Variants in AQR observed in about 807,000 individuals in gnomAD.
AQR encodes the protein aquarius intron-binding spliceosomal factor.
AQR carries 61 observed loss-of-function variants against 180.5 expected under a neutral mutation model. That is an observed-to-expected ratio of 0.34 (90% CI 0.28 to 0.42). The LOEUF (loss-of-function observed/expected upper bound fraction) is 0.42. AQR is among the 10% of genes least tolerant of loss of function. The pLI, the probability that AQR is intolerant of heterozygous loss-of-function variation, is 1.00. For missense variants in AQR, 1,281 were observed against 1,798.3 expected, an observed-to-expected ratio of 0.71 and a Z score of 5.20; for synonymous variants, 551 against 588.8, an observed-to-expected ratio of 0.94 and a Z score of 0.93.
chr15:34,878,385 C>CCAA (rs768038496), intron 27 of AQR, among the ~76,000 whole-genome samples: 9 of 41,662 alleles, frequency 2.2e-4, no homozygotes, highest in African/African-American at 6.6e-4. Flanking sequence ...GACTCTGTCT[C>CCAA]AAAAAAAAAA....
chr15:34,935,930 A>C (rs987946690), intron 9 of AQR, among the ~76,000 whole-genome samples: 2 of 152,386 alleles, frequency 1.3e-5, no homozygotes, highest in African/African-American at 4.8e-5. Context: ...CCAAACTAAA[A>C]GAGTGAGCAA....
At chr15:34,878,796 C>T (rs1469399705) in intron 27 of AQR, among the ~76,000 whole-genome samples, 3 of 151,956 alleles carry the variant, frequency 2.0e-5, no homozygotes, top group Admixed American at 6.6e-5. Context: ...TTTGGGAGCC[C>T]GAGGCTGGAT....
At chr15:34,882,478 A>AAAAAAAAAAAAAAAAG (rs1555423271) in intron 27 of AQR, 24 bp downstream of exon 27, 1 of 1,458,102 alleles carries the variant, frequency 6.9e-7, no homozygotes, top group African/African-American at 1.4e-5. Flanking sequence ...AAAAAAAAAA[A>AAAAAAAAAAAAAAAAG]AAAAAACTAC....
Position 34,934,576 on chromosome 15 carries a change from G to C in AQR, c.778C>G (p.Leu260Val). The change falls in exon 10 of 35, where the codon CTA (leucine) becomes GTA (valine). Residue 260 changes from leucine (L) to valine (V), a missense_variant. By Grantham distance (32) the Leu-to-Val change is conservative. This residue lies in a region of AQR where 404 missense variants were observed against 490.9 expected (regional missense o/e 0.82). Coordinates refer to ENST00000156471, the MANE Select transcript of AQR (RefSeq NM_014691.3). ...AGTCACGGTAGATTTCTTACCTCTA[G>C]ATCAATCATAAGTTCAATGAATCTT... ...CERFIELMID[L>V]EALLPTRRWF... 6.3e-7 allele frequency: 1 copy of C among 1,591,978 alleles called. No homozygotes were observed. The highest frequency in any genetic ancestry group is 8.5e-7 in the Non-Finnish European group (1 of 1,172,440).
intron 3 of AQR, among the ~76,000 whole-genome samples, chr15:34,959,340 T>C (rs2140507572): frequency 6.6e-6 from 1 of 152,220 alleles, no homozygotes; most frequent in Admixed American, 6.5e-5. Flanking sequence ...TTTTTTGTGT[T>C]TTTTCTGGAC....
rs1892596117 is a variant in AQR, at chr15:34,856,998, T to A, written c.4252A>T (p.Ile1418Leu). ...CAGCTGGTGTCTGTTGGACTGGGTA[T>A]GATGTCAGCTTGAACAGTCATGGCC... ...EEAMTVQADI[I>L]PSPTDTSCRQ... The change falls in exon 35 of 35, where the codon ATA (isoleucine) becomes TTA (leucine). Residue 1418 changes from isoleucine (I) to leucine (L), a missense_variant. By Grantham distance (5) the Ile-to-Leu change is conservative (BLOSUM62 2). Around this residue, in one of 9 missense-constraint regions of AQR, gnomAD observed 182 missense variants for 185.3 expected, o/e 0.98. Transcript: ENST00000156471. The A allele has an allele frequency of 6.2e-7, 1 of 1,614,066 alleles. No homozygotes were observed. Among genetic ancestry groups the A allele is most frequent in the Admixed American group, 1.7e-5 (1 of 60,006 alleles).
At chr15:34,872,101 A>G (rs771541089) in intron 30 of AQR, among the ~76,000 whole-genome samples, 3 of 152,196 alleles carry the variant, frequency 2.0e-5, no homozygotes, top group Non-Finnish European at 4.4e-5. Context: ...GTTCTTTAAC[A>G]CTGCCCAATT....
intron 30 of AQR, among the ~76,000 whole-genome samples, chr15:34,872,055 G>A (rs1892827328): frequency 1.3e-5 from 2 of 151,378 alleles, no homozygotes. Context: ...TCTTTGTGAC[G>A]CACAGCTTGA....
chr15:34,857,587 T>TA (rs1391357661), intron 34 of AQR, among the ~76,000 whole-genome samples: 1 of 151,956 alleles, frequency 6.6e-6, no homozygotes, highest in Admixed American at 6.6e-5. Flanking sequence ...CCATCTCTAC[T>TA]AAAAAACACA....
intron 9 of AQR, among the ~76,000 whole-genome samples, chr15:34,935,234 T>C (rs986952507): frequency 1.3e-5 from 2 of 152,216 alleles, no homozygotes; most frequent in African/African-American, 2.4e-5. Flanking sequence ...TTTATGAGCA[T>C]AGTATACTAT....
chr15:34,956,641 G>T (rs1333985498), intron 3 of AQR, among the ~76,000 whole-genome samples: 1 of 129,766 alleles, frequency 7.7e-6, no homozygotes, highest in Non-Finnish European at 1.6e-5. Flanking sequence ...CAATAAGGGT[G>T]AAACTCCATC....
intron 4 of AQR, among the ~76,000 whole-genome samples, chr15:34,952,324 T>C (rs754839367): frequency 1.3e-5 from 2 of 152,244 alleles, no homozygotes; most frequent in African/African-American, 4.8e-5. Context: ...GTACTCTGTA[T>C]GTAAAATGCT....
Position 34,906,552 on chromosome 15 carries a change from A to G in AQR, c.1824T>C (p.Ile608=). The G allele has an allele frequency of 6.2e-7, 1 of 1,613,934 alleles. No individual in the cohort carries two copies. Among genetic ancestry groups the G allele is most frequent in the African/African-American group, 1.3e-5 (1 of 75,044 alleles). The stretch of plus-strand genomic sequence containing the variant: ...AAATATAGGTCACCATACCATCTTC[A>G]ATGACACGTCCTTTATCATCCAGCA... ...QGMLDDKGRV[I]EDGPEPRPNL... Residue 608 remains isoleucine, a synonymous_variant, in exon 18 of 35, where the codon ATT becomes ATC. Transcript: ENST00000156471.
chr15:34,906,054 A>G (rs566558572), intron 18 of AQR, among the ~76,000 whole-genome samples: 1 of 151,746 alleles, frequency 6.6e-6, no homozygotes, highest in South Asian at 2.1e-4. Flanking sequence ...AAAGAAAAAG[A>G]TCCTGTCCTT....
At chr15:34,960,702 AT>A (rs2050271466) in intron 3 of AQR, 71 bp downstream of exon 3, 2 of 674,490 alleles carry the variant, frequency 3.0e-6, no homozygotes. Context: ...TTATGATCAC[AT>A]TTAGAAGTTC....
intron 1 of AQR, 97 bp from the exon 2 acceptor site, chr15:34,964,387 C>T: frequency 9.9e-7 from 1 of 1,006,024 alleles, no homozygotes. Flanking sequence ...TTAACAAGGC[C>T]CTACTCGGCA....
chr15:34,932,579 A>AACGGGACCTCTTGCATT, intron 10 of AQR, 145 bp from the exon 11 acceptor site: 1 of 550,084 alleles, frequency 1.8e-6, no homozygotes, highest in Non-Finnish European at 3.2e-6. Flanking sequence ...ACAATGCAAG[A>AACGGGACCTCTTGCATT]GGTCCCGTTC....
At chr15:34,858,486 G>A (rs1442520757) in intron 34 of AQR, among the ~76,000 whole-genome samples, 1 of 152,124 alleles carries the variant, frequency 6.6e-6, no homozygotes, top group African/African-American at 2.4e-5. Flanking sequence ...GACTTAATAT[G>A]TGAAGATGTT....
chr15:34,907,642 A>G (rs1409473893), intron 17 of AQR, among the ~76,000 whole-genome samples: 1 of 152,230 alleles, frequency 6.6e-6, no homozygotes, highest in East Asian at 1.9e-4. Flanking sequence ...GGTAGAAATA[A>G]TAACTCTATT....
Sources: allele counts gnomAD v4.1 joint callset (sites outside exome capture counted in the v4.1 genomes callset), GRCh38; gene constraint gnomAD v4.1.1; regional missense constraint gnomAD v4.1.1; transcripts MANE v1.5; gene names NCBI Gene and HGNC (gene_info 2026-07-23, HGNC 2026-07-21).